Variants in KAZN observed in about 807,000 individuals in gnomAD.
KAZN encodes the protein kazrin, periplakin interacting protein, also known as kazrin.
In KAZN, 40 loss-of-function variants were observed where a neutral mutation model predicts 87.4. The observed-to-expected ratio is 0.46, with a 90% CI of 0.36 to 0.60. The LOEUF (loss-of-function observed/expected upper bound fraction) is 0.60, where lower values mean the gene tolerates loss of function less well. Among genes scored for constraint, KAZN ranks in the 20% least tolerant of loss-of-function variants. The pLI is 0.00. For missense variants in KAZN, 898 were observed against 1,073.9 expected (o/e 0.84, Z 2.29); for synonymous variants, 466 against 458.3 (o/e 1.02, Z -0.22).
chr1:14,900,394 T>G (rs1655729982), intron 1 of KAZN, among the ~76,000 whole-genome samples: 1 of 152,052 alleles, frequency 6.6e-6, no homozygotes, highest in African/African-American at 2.4e-5. Flanking sequence ...CATTTCACCA[T>G]CTGTAAAATG....
chr1:14,015,567 G>A (rs1810487), intron 1 of KAZN, among the ~76,000 whole-genome samples: 127,570 of 138,794 alleles, frequency 0.92, 58,812 homozygotes, highest in Non-Finnish European at 0.96. Flanking sequence ...TGCAACCTCC[G>A]CCTCCCGGGT....
chr1:14,994,354 C>T (rs536950980), intron 2 of KAZN, among the ~76,000 whole-genome samples: 22 of 152,344 alleles, frequency 1.4e-4, no homozygotes, highest in African/African-American at 4.6e-4. Flanking sequence ...CCCCTCATTG[C>T]GCCATACATT....
At chr1:14,517,178 CTA>C (rs1490484423) in intron 2 of KAZN, among the ~76,000 whole-genome samples, 1 of 152,010 alleles carries the variant, frequency 6.6e-6, no homozygotes, top group Non-Finnish European at 1.5e-5. Flanking sequence ...CCATGCCAGG[CTA>C]TGAGACTCAA....
chr1:14,481,025 C>T (rs1274012499), intron 2 of KAZN, among the ~76,000 whole-genome samples: 1 of 151,354 alleles, frequency 6.6e-6, no homozygotes, highest in Non-Finnish European at 1.5e-5. Flanking sequence ...TGATCAGTTG[C>T]CTTCATGTGT....
rs1435989372 is a variant in KAZN at position 14,883,016 on chromosome 1, C to A, written c.227-77668C>A. 2.0e-5 allele frequency among the ~76,000 whole-genome samples: 3 copies of A among 152,128 alleles called. No homozygotes were observed. The East Asian group carries it at 5.9e-4, about 30-fold the overall frequency. On this transcript the variant is annotated intron_variant, in intron 1 of 14. Coordinates refer to ENST00000376030, the MANE Select transcript of KAZN (RefSeq NM_201628.3). ...GGGTAACTCAAAAAGTGGTTCTTGG[C>A]CGGGCACGGTGGCTCATACCTGTAA...
intron 1 of KAZN, among the ~76,000 whole-genome samples, chr1:14,607,347 C>G (rs1466245855): frequency 2.6e-5 from 4 of 152,184 alleles, no homozygotes; most frequent in Admixed American, 2.6e-4. Context: ...TGCCCAGGGT[C>G]ACCGAGCTAG....
At chr1:14,414,822 C>T (rs564031380) in intron 2 of KAZN, among the ~76,000 whole-genome samples, 2 of 152,014 alleles carry the variant, frequency 1.3e-5, no homozygotes, top group East Asian at 3.9e-4. Context: ...GTCAGGAGTT[C>T]GAGACCAGCC....
At chr1:14,365,426 C>T (rs1194342804) in intron 2 of KAZN, among the ~76,000 whole-genome samples, 2 of 150,734 alleles carry the variant, frequency 1.3e-5, no homozygotes, top group East Asian at 4.0e-4. Context: ...GCCCACCCTA[C>T]TCCAGCATGA....
chr1:14,639,628 C>T (rs1049626730), intron 1 of KAZN, among the ~76,000 whole-genome samples: 1 of 152,114 alleles, frequency 6.6e-6, no homozygotes, highest in African/African-American at 2.4e-5. Flanking sequence ...CCTTTGTTCT[C>T]ACAAGCTGTT....
intron 1 of KAZN, among the ~76,000 whole-genome samples, chr1:14,785,648 T>TAA (rs1645489730): frequency 6.6e-6 from 1 of 152,142 alleles, no homozygotes; most frequent in Admixed American, 6.5e-5. Context: ...CCAGGACAAG[T>TAA]TATTTACCCC....
At chr1:15,046,895 C>T (rs186483019) in intron 4 of KAZN, among the ~76,000 whole-genome samples, 30 of 152,324 alleles carry the variant, frequency 2.0e-4, no homozygotes, top group African/African-American at 6.5e-4. Flanking sequence ...TTTCTCATGC[C>T]TTGTGGACAG....
chr1:14,081,026 GCAAGGGT>G (rs1485093180), intron 1 of KAZN, among the ~76,000 whole-genome samples: 1 of 151,882 alleles, frequency 6.6e-6, no homozygotes, highest in Non-Finnish European at 1.5e-5. Context: ...CTTTTAGCTA[GCAAGGGT>G]TCATTCACCT....
chr1:13,953,277 T>C (rs1641422736), intron 1 of KAZN, among the ~76,000 whole-genome samples: 1 of 152,212 alleles, frequency 6.6e-6, no homozygotes, highest in Admixed American at 6.5e-5. Flanking sequence ...AAGTAACACC[T>C]CTCAGAATCT....
intron 2 of KAZN, among the ~76,000 whole-genome samples, chr1:14,448,815 G>A (rs927501603): frequency 6.6e-6 from 1 of 152,214 alleles, no homozygotes; most frequent in Non-Finnish European, 1.5e-5. Flanking sequence ...GCACAGGCAA[G>A]CACACTTCTT....
At chr1:14,509,656 G>A (rs759386476) in intron 2 of KAZN, among the ~76,000 whole-genome samples, 1 of 152,204 alleles carries the variant, frequency 6.6e-6, no homozygotes, top group Non-Finnish European at 1.5e-5. Context: ...CGCCAGGCCT[G>A]TGTCTGACAC....
At chr1:14,495,178 T>A (rs1363597280) in intron 2 of KAZN, among the ~76,000 whole-genome samples, 1 of 152,216 alleles carries the variant, frequency 6.6e-6, no homozygotes, top group African/African-American at 2.4e-5. Context: ...GCTAAAGAGA[T>A]GACCTCTTGA....
intron 1 of KAZN, among the ~76,000 whole-genome samples, chr1:14,798,724 ACG>A (rs1645911624): frequency 6.6e-6 from 1 of 151,610 alleles, no homozygotes; most frequent in Admixed American, 6.6e-5. Context: ...GTGAGCCACC[ACG>A]CCCGGCCCAC....
At chr1:14,081,474 T>G (rs1230039754) in intron 1 of KAZN, among the ~76,000 whole-genome samples, 1 of 152,138 alleles carries the variant, frequency 6.6e-6, no homozygotes, top group Non-Finnish European at 1.5e-5. Flanking sequence ...CATCCTCTGC[T>G]TGTTTTTGTA....
Position 15,056,083 on chromosome 1 carries a change from C to G in KAZN, c.727-8C>G. On this transcript the variant is annotated splice_region_variant and splice_polypyrimidine_tract_variant and intron_variant, in intron 4 of 14. Transcript: ENST00000376030. This position sits in a 1 kb window ranked among gnomAD's most constrained non-coding sequence, Gnocchi z 5.4. ...GACTTCTTCTTCCTGTCTTCTTGCTCTCTCCAGGCCAAACAGTCCTTAGCT... is the reference window on the plus strand; with the variant it reads ...GACTTCTTCTTCCTGTCTTCTTGCTGTCTCCAGGCCAAACAGTCCTTAGCT... 6.3e-7 allele frequency: 1 copy of G among 1,589,732 alleles called. No individual in the cohort carries two copies. The highest frequency in any genetic ancestry group is 8.6e-7 in the Non-Finnish European group (1 of 1,160,860).
Sources: allele counts gnomAD v4.1 joint callset (sites outside exome capture counted in the v4.1 genomes callset), GRCh38; gene constraint gnomAD v4.1.1; non-coding constraint Gnocchi (gnomAD v3.1); transcripts MANE v1.5; gene names NCBI Gene and HGNC (gene_info 2026-07-23, HGNC 2026-07-21).